Variants in DCC observed in about 807,000 individuals in gnomAD.
The protein encoded by DCC is DCC netrin 1 receptor.
Under a neutral mutation model 172.5 loss-of-function variants are expected in DCC, and 58 were observed. The observed-to-expected ratio is 0.34, with a 90% CI of 0.27 to 0.42. The LOEUF (loss-of-function observed/expected upper bound fraction) is 0.42, where lower values mean the gene tolerates loss of function less well. Among genes scored for constraint, DCC ranks in the 10% least tolerant of loss-of-function variants. The probability of loss-of-function intolerance (pLI) is 1.00; values close to 1 mark genes in which losing one functional copy is unlikely to be tolerated. For synonymous variants in DCC, 709 were observed against 644.5 expected (o/e 1.10, Z -1.52); for missense variants, 1,740 against 1,791.0 (o/e 0.97, Z 0.51).
intron 1 of DCC, among the ~76,000 whole-genome samples, chr18:52,736,765 C>T (rs532413722): frequency 3.6e-4 from 55 of 152,112 alleles, no homozygotes; most frequent in Middle Eastern, 3.4e-3. Flanking sequence ...ATGACATTGA[C>T]GTAATATGAG....
intron 1 of DCC, among the ~76,000 whole-genome samples, chr18:52,392,946 C>T (rs1275204080): frequency 6.6e-6 from 1 of 152,002 alleles, no homozygotes; most frequent in East Asian, 1.9e-4. Flanking sequence ...CAATCTTATA[C>T]AGATGTTATT....
At chr18:52,938,720 G>A (rs1270616468) in intron 5 of DCC, among the ~76,000 whole-genome samples, 2 of 151,984 alleles carry the variant, frequency 1.3e-5, no homozygotes, top group African/African-American at 4.8e-5. Context: ...TAATGAATAT[G>A]GCCTCAGTGT....
intron 12 of DCC, among the ~76,000 whole-genome samples, chr18:53,232,071 C>T (rs369991140): frequency 1.3e-5 from 2 of 152,084 alleles, no homozygotes; most frequent in South Asian, 2.1e-4. Flanking sequence ...CCCTCTATAA[C>T]GTCTGCTCAT....
chr18:53,511,209 AAATAAT>A (rs2046247042), intron 27 of DCC, among the ~76,000 whole-genome samples: 1 of 152,188 alleles, frequency 6.6e-6, no homozygotes, highest in Admixed American at 6.5e-5. Flanking sequence ...TAGTTTATAA[AAATAAT>A]AGAGACAAGG....
chr18:52,734,216 T>A (rs1331955961), intron 1 of DCC, among the ~76,000 whole-genome samples: 2 of 152,070 alleles, frequency 1.3e-5, no homozygotes, highest in Non-Finnish European at 2.9e-5. Flanking sequence ...TGTTTTGCAG[T>A]TTATACCTGT....
At chr18:52,892,614 A>G (rs2039667069) in intron 2 of DCC, 1 of 152,150 alleles carries the variant, frequency 6.6e-6, no homozygotes, top group Non-Finnish European at 1.5e-5. Flanking sequence ...AGTTTGAGAC[A>G]CATTTCAGAC....
chr18:52,560,470 C>T (rs186305446), intron 1 of DCC, among the ~76,000 whole-genome samples: 1 of 152,340 alleles, frequency 6.6e-6, no homozygotes, highest in East Asian at 1.9e-4. Context: ...ACCCTCATTG[C>T]AAGGATTTTG....
chr18:52,871,646 G>A (rs1006136637), intron 2 of DCC, among the ~76,000 whole-genome samples: 1 of 151,962 alleles, frequency 6.6e-6, no homozygotes, highest in South Asian at 2.1e-4. Context: ...GTAGAAACAG[G>A]GTCTTGTCAT....
chr18:53,032,979 C>G (rs1024580739), intron 5 of DCC, among the ~76,000 whole-genome samples: 1 of 152,150 alleles, frequency 6.6e-6, no homozygotes, highest in African/African-American at 2.4e-5. Flanking sequence ...CATAAAGACT[C>G]TTAATGAGTT....
chr18:52,799,500 T>A (rs2037941569), intron 2 of DCC, among the ~76,000 whole-genome samples: 1 of 152,154 alleles, frequency 6.6e-6, no homozygotes, highest in Non-Finnish European at 1.5e-5. Context: ...TTGGGCAAAA[T>A]CAAAATTGAA....
intron 19 of DCC, among the ~76,000 whole-genome samples, chr18:53,406,280 C>T (rs560186925): frequency 6.6e-6 from 1 of 152,218 alleles, no homozygotes; most frequent in African/African-American, 2.4e-5. Flanking sequence ...CAGGATATAG[C>T]TTCTCAGTCT....
At chr18:52,502,166 T>C (rs1213480032) in intron 1 of DCC, among the ~76,000 whole-genome samples, 2 of 152,212 alleles carry the variant, frequency 1.3e-5, no homozygotes, top group Non-Finnish European at 2.9e-5. Flanking sequence ...ATTATAGATA[T>C]ATATTCCAAT....
intron 16 of DCC, among the ~76,000 whole-genome samples, chr18:53,388,357 G>A (rs1027515639): frequency 1.3e-5 from 2 of 152,174 alleles, no homozygotes; most frequent in Non-Finnish European, 2.9e-5. Flanking sequence ...CCACATAGAC[G>A]GCATCCTCTA....
intron 1 of DCC, among the ~76,000 whole-genome samples, chr18:52,601,946 C>G: frequency 6.6e-6 from 1 of 152,044 alleles, no homozygotes; most frequent in East Asian, 1.9e-4. Context: ...GACTTTATCA[C>G]TTCTCTCATG....
intron 2 of DCC, among the ~76,000 whole-genome samples, chr18:52,862,032 A>G (rs555452395): frequency 2.0e-5 from 3 of 152,342 alleles, no homozygotes; most frequent in South Asian, 4.1e-4. Flanking sequence ...TAACATAATC[A>G]TAATTGTGAC....
At chr18:52,424,570 C>T (rs1395731211) in intron 1 of DCC, among the ~76,000 whole-genome samples, 1 of 152,114 alleles carries the variant, frequency 6.6e-6, no homozygotes, top group Non-Finnish European at 1.5e-5. Flanking sequence ...ATGTTTTGAG[C>T]CACATAGAGC....
In DCC at chr18:53,459,252, C is replaced by T; in HGVS notation, c.3413C>T (p.Ala1138Val). The change falls in exon 24 of 29, where the codon GCT (alanine) becomes GTT (valine). Residue 1138 changes from alanine to valine, a missense_variant. Ala to Val is a moderately conservative substitution (Grantham distance 64). Coordinates refer to ENST00000442544, the MANE Select transcript of DCC (RefSeq NM_005215.4). ...CATAGGAAACGGGCCACCCACAGTG[C>T]TGGCAAAAGGAAGGGCAGCCAGAAG... is the stretch of plus-strand genomic sequence containing the variant. The part of the protein sequence containing the change: ...QQRKKRATHS[A>V]GKRKGSQKDL... 1 of 1,614,036 alleles carries T rather than the reference C, an allele frequency of 6.2e-7. No individual in the cohort carries two copies. The highest frequency in any genetic ancestry group is 8.5e-7 in the Non-Finnish European group (1 of 1,179,914).
At chr18:52,671,474 A>G (rs1307063180) in intron 1 of DCC, among the ~76,000 whole-genome samples, 1 of 151,208 alleles carries the variant, frequency 6.6e-6, no homozygotes, top group Non-Finnish European at 1.5e-5. Flanking sequence ...GTAGTTTTCT[A>G]TCAGAATCTT....
intron 1 of DCC, among the ~76,000 whole-genome samples, chr18:52,690,425 G>C (rs978681037): frequency 1.1e-4 from 17 of 152,276 alleles, no homozygotes; most frequent in African/African-American, 4.1e-4. Flanking sequence ...CTTTGCACAG[G>C]TAAAGAGGTT....
Sources: allele counts gnomAD v4.1 joint callset (sites outside exome capture counted in the v4.1 genomes callset), GRCh38; gene constraint gnomAD v4.1.1; transcripts MANE v1.5; gene names NCBI Gene and HGNC (gene_info 2026-07-23, HGNC 2026-07-21).